The following TCOF1 variants were observed in gnomAD, a reference collection of about 807,000 sequenced individuals.
The protein encoded by TCOF1 is treacle protein.
In TCOF1, 33 loss-of-function variants were observed where a neutral mutation model predicts 149.0. The observed-to-expected ratio is 0.22, with a 90% CI of 0.17 to 0.30. The LOEUF (loss-of-function observed/expected upper bound fraction) is 0.30, where lower values mean the gene tolerates loss of function less well. Ranked by LOEUF, TCOF1 falls within the 10% of genes least tolerant of loss-of-function variation. TCOF1 has a pLI of 1.00. For missense variants in TCOF1, 1,728 were observed against 1,840.7 expected (o/e 0.94, Z 1.12); for synonymous variants, 789 against 738.8 (o/e 1.07, Z -1.10).
Position 150,368,700 on chromosome 5 carries a change from C to T in TCOF1, c.379-16C>T, listed in dbSNP as rs776660037. On this transcript the variant is annotated splice_polypyrimidine_tract_variant and intron_variant, in intron 4 of 26. Coordinates refer to ENST00000643257, the MANE Select transcript of TCOF1 (RefSeq NM_001371623.1). ...CATGCCATACCAGATGTGTCTGTCA[C>T]TCTTGTTCTCTGTAGGCAGAGACAG... 3 of 1,613,812 alleles carry T rather than the reference C, an allele frequency of 1.9e-6. No homozygotes were observed. In the African/African-American group the frequency reaches 4.0e-5, roughly 22 times the overall value.
chr5:150,393,422 G>T lies in TCOF1; in HGVS notation c.3654G>T (p.Gln1218His). ...MTPGLTPANSQASKATPKLDS... is the reference protein window; with the variant it reads ...MTPGLTPANSHASKATPKLDS... Reference sequence around the variant, plus strand: ...CTGGACTAACCCCAGCCAATTCCCAGGCCTCAAAAGCCACTCCCAAGCTAG... The same window carrying T: ...CTGGACTAACCCCAGCCAATTCCCATGCCTCAAAAGCCACTCCCAAGCTAG... The change falls in exon 23 of 27, where the codon CAG (glutamine) becomes CAT (histidine). Residue 1218 changes from glutamine (Q) to histidine (H), a missense_variant. This residue lies in a region of TCOF1 where 1,696 missense variants were observed against 1,765.4 expected (regional missense o/e 0.96). Coordinates refer to ENST00000643257, the MANE Select transcript of TCOF1 (RefSeq NM_001371623.1). 2 of 1,614,080 alleles carry T rather than the reference G, an allele frequency of 1.2e-6. No individual in the cohort carries two copies. Among genetic ancestry groups the T allele is most frequent in the East Asian group, 2.2e-5 (1 of 44,872 alleles).
intron 17 of TCOF1, chr5:150,383,645 C>G: frequency 7.7e-7 from 1 of 1,299,676 alleles, no homozygotes; most frequent in South Asian, 1.3e-5. Flanking sequence ...AGAGTTGAAG[C>G]AGTTTCCCCA....
chr5:150,358,527 G>A (rs1759211095), intron 1 of TCOF1, among the ~76,000 whole-genome samples: 1 of 152,122 alleles, frequency 6.6e-6, no homozygotes, highest in African/African-American at 2.4e-5. Flanking sequence ...GCTTAGCACC[G>A]CAATAAGTGT....
chr5:150,385,746 G>A (rs1384587210), intron 17 of TCOF1, among the ~76,000 whole-genome samples: 1 of 152,158 alleles, frequency 6.6e-6, no homozygotes, highest in Non-Finnish European at 1.5e-5. Context: ...GGTTCTGCAG[G>A]CATCAGACCT....
At chr5:150,383,631 C>A in intron 17 of TCOF1, 1 of 1,173,460 alleles carries the variant, frequency 8.5e-7, no homozygotes, top group Non-Finnish European at 1.2e-6. Context: ...GGGAATCAAG[C>A]CTTAGAGTTG....
chr5:150,383,400 G>A (rs912410842), intron 17 of TCOF1, among the ~76,000 whole-genome samples: 7 of 152,264 alleles, frequency 4.6e-5, no homozygotes, highest in Non-Finnish European at 8.8e-5. Context: ...TTGGGGCGAA[G>A]CCCAGCTCTT....
intron 24 of TCOF1, 143 bp from the exon 25 acceptor site, chr5:150,398,211 C>T (rs979776362): frequency 6.5e-7 from 1 of 1,543,072 alleles, no homozygotes; most frequent in East Asian, 2.3e-5. Context: ...AATGAACCTC[C>T]ACGCCCCGCC....
chr5:150,375,725 A>G lies in TCOF1; in HGVS notation c.1709A>G (p.Lys570Arg), dbSNP rs943539610. The change falls in exon 12 of 27, where the codon AAG becomes AGG. Residue 570 changes from lysine (K) to arginine (R), a missense_variant. Lys to Arg is a conservative substitution (Grantham distance 26, BLOSUM62 2). This residue lies in a region of TCOF1 where 1,696 missense variants were observed against 1,765.4 expected (regional missense o/e 0.96). Coordinates refer to ENST00000643257, the MANE Select transcript of TCOF1 (RefSeq NM_001371623.1). ...VPTAVAPAQE[K>R]SLGNILQAKP... Reference sequence around the variant, plus strand: ...ATCCTGTGTATCTCACTCCAGGAAAAGTCCTTGGGGAACATCCTCCAGGCC... The same window carrying G: ...ATCCTGTGTATCTCACTCCAGGAAAGGTCCTTGGGGAACATCCTCCAGGCC... 6.2e-7 allele frequency: 1 copy of G among 1,614,242 alleles called. No homozygotes were observed. The highest frequency in any genetic ancestry group is 8.5e-7 in the Non-Finnish European group (1 of 1,180,046).
rs1768603069 is a variant in TCOF1, at chr5:150,396,717, G to A, written c.4220G>A (p.Gly1407Glu). ...GATGTCAAGGAGAAGAAAGGGAAGG[G>A]GTCTCTTGGCTCCCAAGGGGCCAAG... ...SGDVKEKKGK[G>E]SLGSQGAKDE... is the part of the protein sequence containing the mutation. Residue 1407 changes from glycine to glutamate, a missense_variant, in exon 24 of 27, where the codon GGG (glycine) becomes GAG (glutamate). Gly to Glu is a moderately conservative substitution (Grantham distance 98, BLOSUM62 -2). Coordinates refer to ENST00000643257, the MANE Select transcript of TCOF1 (RefSeq NM_001371623.1). The A allele has an allele frequency of 6.2e-7, 1 of 1,612,802 alleles. No homozygotes were observed. Among genetic ancestry groups the A allele is most frequent in the Non-Finnish European group, 8.5e-7 (1 of 1,179,670 alleles).
chr5:150,376,271 A>G lies in TCOF1; in HGVS notation c.2083A>G (p.Ser695Gly), dbSNP rs1319046179. 6.2e-7 allele frequency: 1 copy of G among 1,614,190 alleles called. No individual in the cohort carries two copies. The highest frequency in any genetic ancestry group is 8.5e-7 in the Non-Finnish European group (1 of 1,180,032). ...GTQRPAEDSS[S>G]SEESDSEEEK... The stretch of plus-strand genomic sequence containing the variant: ...CCAGAGACCAGCAGAGGATTCTTCA[A>G]GCAGTGAGGAATCAGATAGTGAGGA... Residue 695 changes from serine (S) to glycine (G), a missense_variant, in exon 13 of 27, where the codon AGC (serine) becomes GGC (glycine). By Grantham distance (56) the Ser-to-Gly change is moderately conservative. Coordinates refer to ENST00000643257, the MANE Select transcript of TCOF1 (RefSeq NM_001371623.1).
chr5:150,368,019 C>T (rs1228850652), intron 4 of TCOF1, 102 bp downstream of exon 4: 3 of 1,307,100 alleles, frequency 2.3e-6, no homozygotes, highest in African/African-American at 2.9e-5. Flanking sequence ...AGTAATTGCC[C>T]CACCTGGATT....
chr5:150,396,490 G>A lies in TCOF1; in HGVS notation c.3993G>A (p.Val1331=). 6.2e-7 allele frequency: 1 copy of A among 1,613,686 alleles called. No homozygotes were observed. Among genetic ancestry groups the A allele is most frequent in the South Asian group, 1.1e-5 (1 of 91,044 alleles). ...TGCTGGAACAGGAAAGAAAGAAGGTGGTGGACACCACCAAGGAGAGCAGCA... is the reference window on the plus strand; with the variant it reads ...TGCTGGAACAGGAAAGAAAGAAGGTAGTGGACACCACCAAGGAGAGCAGCA... ...TELLEQERKK[V]VDTTKESSRK... The change falls in exon 24 of 27, where the codon GTG becomes GTA. Residue 1331 remains valine (V), a synonymous_variant. Transcript: ENST00000643257.
At chr5:150,378,132 A>G (rs150447571) in intron 14 of TCOF1, among the ~76,000 whole-genome samples, 1 of 152,154 alleles carries the variant, frequency 6.6e-6, no homozygotes, top group African/African-American at 2.4e-5. Context: ...TCTTCACCTC[A>G]TTTGACCTCA....
chr5:150,367,175 G>GGC, intron 3 of TCOF1, among the ~76,000 whole-genome samples: 1 of 151,950 alleles, frequency 6.6e-6, no homozygotes, highest in Non-Finnish European at 1.5e-5. Context: ...CATGGTGGTG[G>GGC]ACGTCTGTAG....
At chr5:150,398,533 C>A in intron 25 of TCOF1, 82 bp downstream of exon 25, 2 of 1,596,676 alleles carry the variant, frequency 1.3e-6, no homozygotes, top group South Asian at 2.3e-5. Context: ...CTGGTTCCTG[C>A]CCCCTTCCCA....
Position 150,391,989 on chromosome 5 carries a change from A to G in TCOF1, c.3330A>G (p.Thr1110=), listed in dbSNP as rs1561531232. The stretch of plus-strand genomic sequence containing the variant: ...GTGCTGTGGGAACACTCCCTGCAAC[A>G]AGTCCCCAGAGCACCTCCGTCCAGG... The part of the protein sequence containing the change: ...VDSAVGTLPA[T]SPQSTSVQAK... Residue 1110 remains threonine, a synonymous_variant, in exon 21 of 27, where the codon ACA becomes ACG. Coordinates refer to ENST00000643257, the MANE Select transcript of TCOF1 (RefSeq NM_001371623.1). 1.2e-6 allele frequency: 2 copies of G among 1,614,200 alleles called. No individual in the cohort carries two copies. Among genetic ancestry groups the G allele is most frequent in the Non-Finnish European group, 1.7e-6 (2 of 1,180,044 alleles).
In TCOF1 at chr5:150,375,042, C is replaced by G; in HGVS notation, c.1367C>G (p.Pro456Arg). 1.2e-6 allele frequency: 2 copies of G among 1,613,970 alleles called. No homozygotes were observed. The highest frequency in any genetic ancestry group is 1.7e-6 in the Non-Finnish European group (2 of 1,179,950). ...AGGAAAGGGGCTGCCCCAGCACCTC[C>G]TAGGAAAACAGGGCCTGCAGCCGCC... is the stretch of plus-strand genomic sequence containing the variant. ...SPRKGAAPAP[P>R]RKTGPAAAQV... Residue 456 changes from proline to arginine, a missense_variant, in exon 10 of 27, where the codon CCT (proline) becomes CGT (arginine). Physicochemically the swap from Pro to Arg is moderately radical, Grantham distance 103. Around this residue, in one of 2 missense-constraint regions of TCOF1, gnomAD observed 1,696 missense variants for 1,765.4 expected, o/e 0.96. Coordinates refer to ENST00000643257, the MANE Select transcript of TCOF1 (RefSeq NM_001371623.1).
intron 8 of TCOF1, 57 bp from the exon 9 acceptor site, chr5:150,374,560 C>T: frequency 6.2e-7 from 1 of 1,609,800 alleles, no homozygotes; most frequent in African/African-American, 1.3e-5. Flanking sequence ...ACGTGGTGTC[C>T]TGTGTCTCCT....
At chr5:150,380,857 A>C (rs1305166720) in intron 17 of TCOF1, 2 of 152,062 alleles carry the variant, frequency 1.3e-5, no homozygotes, top group East Asian at 3.9e-4. Context: ...AAAAATACAA[A>C]AATTAGCCAG....
Sources: allele counts gnomAD v4.1 joint callset (sites outside exome capture counted in the v4.1 genomes callset), GRCh38; gene constraint gnomAD v4.1.1; regional missense constraint gnomAD v4.1.1; transcripts MANE v1.5; gene names NCBI Gene and HGNC (gene_info 2026-07-23, HGNC 2026-07-21).